CNTNAP4: variants seen among roughly 807,000 people sequenced by gnomAD.
CNTNAP4 encodes contactin associated protein family member 4.
CNTNAP4 carries 98 observed loss-of-function variants against 148.4 expected under a neutral mutation model. The observed-to-expected ratio is 0.66, with a 90% CI of 0.56 to 0.78. The LOEUF is 0.78. Ranked by LOEUF, CNTNAP4 falls within the 30% of genes least tolerant of loss-of-function variation. The pLI is 0.00. For synonymous variants in CNTNAP4, 730 were observed against 565.1 expected (o/e 1.29, Z -4.14); for missense variants, 1,935 against 1,565.6 (o/e 1.24, Z -3.98).
intron 1 of CNTNAP4, among the ~76,000 whole-genome samples, chr16:76,279,593 T>A (rs2143722042): frequency 6.6e-6 from 1 of 152,328 alleles, no homozygotes; most frequent in South Asian, 2.1e-4. Context: ...GGAAGTAGTC[T>A]AATGCTCTTT....
At position 76,553,366 on chromosome 16, in the gene CNTNAP4, G is replaced by T. The variant is rs773791364; in HGVS notation, c.3526G>T (p.Val1176Leu). ...GCLSAVQLSH[V>L]APLKAALHPS... Reference sequence around the variant, plus strand: ...CCTCTCTGCAGTGCAGCTCAGCCACGTGGCCCCTCTGAAGGCAGCTCTGCA... The same window carrying T: ...CCTCTCTGCAGTGCAGCTCAGCCACTTGGCCCCTCTGAAGGCAGCTCTGCA... Residue 1176 changes from valine to leucine, a missense_variant, in exon 22 of 24, where the codon GTG becomes TTG. Coordinates refer to ENST00000611870, the MANE Select transcript of CNTNAP4 (RefSeq NM_033401.5). 1 of 1,612,738 alleles carries T rather than the reference G, an allele frequency of 6.2e-7. No homozygotes were observed. Among genetic ancestry groups the T allele is most frequent in the Non-Finnish European group, 8.5e-7 (1 of 1,179,308 alleles).
chr16:76,451,094 G>A (rs765873906), intron 7 of CNTNAP4, among the ~76,000 whole-genome samples: 3 of 152,158 alleles, frequency 2.0e-5, no homozygotes, highest in Non-Finnish European at 4.4e-5. Flanking sequence ...GCTGTCGGTC[G>A]GTTGGGCCAG....
chr16:76,438,296 A>G (rs1413056600), intron 4 of CNTNAP4, among the ~76,000 whole-genome samples: 2 of 152,154 alleles, frequency 1.3e-5, no homozygotes, highest in African/African-American at 4.8e-5. Context: ...CCCTAGAGAA[A>G]GCACGAGAAA....
intron 3 of CNTNAP4, among the ~76,000 whole-genome samples, chr16:76,377,806 C>G (rs920681979): frequency 1.3e-5 from 2 of 152,106 alleles, no homozygotes; most frequent in Non-Finnish European, 2.9e-5. Context: ...TATAAAAATG[C>G]TTACTGACTC....
At chr16:76,454,111 CTTTTTTT>C (rs11302612) in intron 8 of CNTNAP4, among the ~76,000 whole-genome samples, 3 of 130,098 alleles carry the variant, frequency 2.3e-5, no homozygotes, top group East Asian at 4.4e-4. Context: ...CTATTTCTTT[CTTTTTTT>C]TTTTTTTTTT....
intron 3 of CNTNAP4, among the ~76,000 whole-genome samples, chr16:76,375,819 G>T (rs75287326): frequency 1.3e-5 from 2 of 152,174 alleles, no homozygotes; most frequent in Admixed American, 1.3e-4. Flanking sequence ...TCAGTTCAAG[G>T]TCAGTGCTGG....
intron 6 of CNTNAP4, 108 bp from the exon 7 acceptor site, chr16:76,449,606 TG>T (rs2080378087): frequency 1.1e-6 from 1 of 901,788 alleles, no homozygotes; most frequent in Non-Finnish European, 1.6e-6. Flanking sequence ...TGTAGGGTTA[TG>T]AAAAATTGAT....
chr16:76,468,988 G>A (rs2081275493), intron 10 of CNTNAP4, among the ~76,000 whole-genome samples: 1 of 152,152 alleles, frequency 6.6e-6, no homozygotes, highest in Non-Finnish European at 1.5e-5. Flanking sequence ...CATAAATTAT[G>A]AGAATCAAAA....
At chr16:76,544,214 T>TA (rs1448947247) in intron 21 of CNTNAP4, among the ~76,000 whole-genome samples, 8 of 152,170 alleles carry the variant, frequency 5.3e-5, no homozygotes, top group Non-Finnish European at 1.0e-4. Context: ...CATTGCCTTT[T>TA]TTTTTTTTGG....
At chr16:76,514,676 A>T (rs931009790) in intron 15 of CNTNAP4, among the ~76,000 whole-genome samples, 4 of 110,166 alleles carry the variant, frequency 3.6e-5, no homozygotes, top group Non-Finnish European at 8.6e-5. Flanking sequence ...CTCCAGCCAG[A>T]TTTTATTTTC....
At chr16:76,391,478 A>C (rs911506324) in intron 3 of CNTNAP4, among the ~76,000 whole-genome samples, 9 of 152,234 alleles carry the variant, frequency 5.9e-5, no homozygotes, top group African/African-American at 1.9e-4. Flanking sequence ...CCTGTTATGC[A>C]AAACTTTGTG....
At chr16:76,454,111 C>CTTTTTTTTTT (rs11302612) in intron 8 of CNTNAP4, among the ~76,000 whole-genome samples, 1 of 130,098 alleles carries the variant, frequency 7.7e-6, no homozygotes. Flanking sequence ...CTATTTCTTT[C>CTTTTTTTTTT]TTTTTTTTTT....
At chr16:76,407,550 G>A (rs112578686) in intron 3 of CNTNAP4, among the ~76,000 whole-genome samples, 1 of 152,142 alleles carries the variant, frequency 6.6e-6, no homozygotes, top group African/African-American at 2.4e-5. Flanking sequence ...CAAGACTTCA[G>A]TGGAGGAAGG....
In CNTNAP4 at chr16:76,464,488, A is replaced by G. The variant is rs559506687; in HGVS notation, c.1483+2383A>G. Among the ~76,000 whole-genome samples the G allele has an allele frequency of 1.1e-4, 16 of 152,268 alleles. No individual in the cohort carries two copies. In the South Asian group the frequency reaches 2.9e-3, roughly 28 times the overall value. On this transcript the variant is annotated intron_variant, in intron 9 of 23. Transcript: ENST00000611870. ...CCCCCTGGAAAGTTCTATGTAGATA[A>G]GGCTGCTCTCTATCACTAGGATCTG...
chr16:76,366,562 C>G (rs2014160343), intron 3 of CNTNAP4, among the ~76,000 whole-genome samples: 1 of 152,090 alleles, frequency 6.6e-6, no homozygotes, highest in Admixed American at 6.6e-5. Flanking sequence ...GATTCCATGT[C>G]TTTGCTATTG....
chr16:76,446,287 G>GA (rs1220041486), intron 4 of CNTNAP4, among the ~76,000 whole-genome samples: 7 of 152,096 alleles, frequency 4.6e-5, no homozygotes, highest in Admixed American at 2.0e-4. Flanking sequence ...TCGTTGACTG[G>GA]AAGAAGCCAG....
chr16:76,544,930 T>G (rs964933525), intron 21 of CNTNAP4, among the ~76,000 whole-genome samples: 4 of 152,216 alleles, frequency 2.6e-5, no homozygotes, highest in African/African-American at 9.6e-5. Flanking sequence ...TCTCCTCTGA[T>G]GAGCTATAAG....
chr16:76,310,042 G>A (rs1960929663), intron 1 of CNTNAP4: 1 of 593,488 alleles, frequency 1.7e-6, no homozygotes. Flanking sequence ...TCAGACAGAA[G>A]TCTGGCTTCC....
chr16:76,451,910 A>T (rs1253168661), intron 7 of CNTNAP4, among the ~76,000 whole-genome samples: 2 of 152,138 alleles, frequency 1.3e-5, no homozygotes, highest in Non-Finnish European at 2.9e-5. Flanking sequence ...CAAAGAAAAG[A>T]TAAATGTTTG....
Sources: gnomAD v4.1 joint callset for allele counts (sites outside exome capture counted in the v4.1 genomes callset) on GRCh38, gnomAD v4.1.1 for gene constraint, MANE v1.5 for transcripts, NCBI Gene and HGNC (gene_info 2026-07-23, HGNC 2026-07-21) for gene names.